The following HPSE2 variants were observed in gnomAD, a reference collection of about 807,000 sequenced individuals.
HPSE2 encodes heparanase 2 (inactive).
HPSE2 carries 38 observed loss-of-function variants against 60.5 expected under a neutral mutation model. The ratio of observed to expected loss-of-function variants is 0.63; its 90% CI spans 0.48 to 0.82. The LOEUF (loss-of-function observed/expected upper bound fraction) is 0.82, where lower values mean the gene tolerates loss of function less well. Ranked by LOEUF, HPSE2 falls within the 40% of genes least tolerant of loss-of-function variation. HPSE2 has a pLI of 0.00. For missense variants in HPSE2, 713 were observed against 740.4 expected (o/e 0.96, Z 0.43); for synonymous variants, 295 against 293.2 (o/e 1.01, Z -0.06).
intron 3 of HPSE2, among the ~76,000 whole-genome samples, chr10:99,131,246 G>A (rs1309188431): frequency 1.3e-5 from 2 of 152,066 alleles, no homozygotes; most frequent in Admixed American, 6.6e-5. Context: ...ACTGAACAGG[G>A]AAAACACAAC....
At chr10:98,691,286 A>G (rs493204) in intron 6 of HPSE2, among the ~76,000 whole-genome samples, 53,728 of 152,084 alleles carry the variant, frequency 0.35, 9,727 homozygotes, top group Admixed American at 0.41. Context: ...CAAAAGAAAT[A>G]CAACCCCCTG....
In HPSE2 at chr10:99,169,504, CAAAAAAAAAAAAAAAAAAAAAAAAA is replaced by C. The variant is rs562946052; in HGVS notation, c.449-25130_449-25106del. On this transcript the variant is annotated intron_variant, in intron 2 of 11. Transcript: ENST00000370552. Reference sequence around the variant, plus strand: ...TGGGTGACAGAGCAAGACTCCGTCTCAAAAAAAAAAAAAAAAAAAAAAAAAAAAAAAAAAAAAAAAAAAAAGTCCT... The same window carrying C: ...TGGGTGACAGAGCAAGACTCCGTCTCAAAAAAAAAAAAAAAAAAAAGTCCT... 4.1e-3 allele frequency among the ~76,000 whole-genome samples: 224 copies of C among 54,728 alleles called. 1 individual carries two copies. Among genetic ancestry groups the C allele is most frequent in the East Asian group, 0.011 (16 of 1,426 alleles). 35.9% of individuals were successfully genotyped at this position (54,728 alleles called of 152,430 possible).
At chr10:98,605,577 G>T (rs1377333726) in intron 9 of HPSE2, among the ~76,000 whole-genome samples, 1 of 150,712 alleles carries the variant, frequency 6.6e-6, no homozygotes, top group Non-Finnish European at 1.5e-5. Context: ...GGGATGGTTG[G>T]GCCAGTGACA....
chr10:99,159,836 T>C (rs1846750675), intron 2 of HPSE2, among the ~76,000 whole-genome samples: 1 of 152,148 alleles, frequency 6.6e-6, no homozygotes, highest in South Asian at 2.1e-4. Context: ...GTAAAAGTGT[T>C]CGCTCTTTAA....
chr10:99,165,439 T>C (rs1472652259), intron 2 of HPSE2, among the ~76,000 whole-genome samples: 1 of 152,162 alleles, frequency 6.6e-6, no homozygotes, highest in Non-Finnish European at 1.5e-5. Context: ...CCCAATATCC[T>C]GGTTGTTTCT....
intron 2 of HPSE2, among the ~76,000 whole-genome samples, chr10:99,150,606 C>T (rs571165230): frequency 3.5e-4 from 53 of 152,338 alleles, no homozygotes; most frequent in African/African-American, 1.2e-3. Context: ...CAGGCATGAG[C>T]CACCAAATCT....
intron 9 of HPSE2, among the ~76,000 whole-genome samples, chr10:98,590,364 C>T (rs879624120): frequency 6.6e-6 from 1 of 152,230 alleles, no homozygotes; most frequent in Non-Finnish European, 1.5e-5. Context: ...ATGGTGTGAA[C>T]CCAGGAGGCG....
At chr10:99,232,851 A>G (rs945219241) in intron 1 of HPSE2, among the ~76,000 whole-genome samples, 6 of 152,258 alleles carry the variant, frequency 3.9e-5, no homozygotes, top group Non-Finnish European at 8.8e-5. Flanking sequence ...GCTAAAGCGC[A>G]GTTGCCCGGC....
intron 3 of HPSE2, among the ~76,000 whole-genome samples, chr10:99,131,887 G>C (rs1040283296): frequency 3.2e-4 from 48 of 151,982 alleles, no homozygotes; most frequent in Admixed American, 3.1e-3. Flanking sequence ...CGAGGCAGGA[G>C]GATCACCTGA....
intron 3 of HPSE2, among the ~76,000 whole-genome samples, chr10:99,073,410 G>A (rs1842860706): frequency 1.3e-5 from 2 of 152,058 alleles, no homozygotes; most frequent in South Asian, 4.1e-4. Context: ...TCACTTACAG[G>A]TGGGAGTTGA....
chr10:98,862,739 C>A (rs761733204), intron 3 of HPSE2, among the ~76,000 whole-genome samples: 4 of 152,038 alleles, frequency 2.6e-5, no homozygotes, highest in Admixed American at 6.6e-5. Flanking sequence ...ACTCTTGGGA[C>A]CAGAGGTGAA....
At chr10:99,132,241 G>GAAAGAAAGAAAGAAAGAA (rs58521993) in intron 3 of HPSE2, among the ~76,000 whole-genome samples, 10 of 28,920 alleles carry the variant, frequency 3.5e-4, no homozygotes, top group Admixed American at 8.6e-4. Flanking sequence ...GAGAGAGAGA[G>GAAAGAAAGAAAGAAAGAA]AGAAAGAAAG....
upstream of HPSE2, among the ~76,000 whole-genome samples, chr10:99,238,089 G>A (rs1004683681): frequency 2.0e-5 from 3 of 152,066 alleles, no homozygotes; most frequent in South Asian, 4.1e-4. Flanking sequence ...AATACTTAAC[G>A]TGTAAAGCCA....
chr10:98,907,152 C>G (rs551847654), intron 3 of HPSE2, among the ~76,000 whole-genome samples: 20 of 152,260 alleles, frequency 1.3e-4, no homozygotes, highest in Middle Eastern at 6.8e-3. Flanking sequence ...TTCATGTATA[C>G]TGTTAGAATC....
At chr10:99,147,245 C>T (rs1846088567) in intron 2 of HPSE2, among the ~76,000 whole-genome samples, 1 of 151,892 alleles carries the variant, frequency 6.6e-6, no homozygotes. Flanking sequence ...AACTCATGAG[C>T]TTAAGAGTAG....
At chr10:98,567,430 T>C (rs544653136) in intron 9 of HPSE2, among the ~76,000 whole-genome samples, 23 of 152,296 alleles carry the variant, frequency 1.5e-4, no homozygotes, top group African/African-American at 5.5e-4. Flanking sequence ...GAAACACTCA[T>C]AAAGCCATGA....
intron 6 of HPSE2, among the ~76,000 whole-genome samples, chr10:98,660,411 G>T (rs539891233): frequency 5.1e-4 from 77 of 152,300 alleles, no homozygotes; most frequent in African/African-American, 1.7e-3. Context: ...AGGTGAAATT[G>T]TGGTCCAAGG....
intron 3 of HPSE2, among the ~76,000 whole-genome samples, chr10:98,998,611 C>T (rs1435131546): frequency 6.6e-6 from 1 of 152,098 alleles, no homozygotes; most frequent in African/African-American, 2.4e-5. Context: ...TCATTTTTTC[C>T]AAACACAGGA....
chr10:99,103,640 G>A (rs1451159101), intron 3 of HPSE2, among the ~76,000 whole-genome samples: 1 of 152,084 alleles, frequency 6.6e-6, no homozygotes, highest in Non-Finnish European at 1.5e-5. Flanking sequence ...CTACTTTAAA[G>A]TTCATATGGA....
Sources: allele counts gnomAD v4.1 joint callset (sites outside exome capture counted in the v4.1 genomes callset), GRCh38; gene constraint gnomAD v4.1.1; transcripts MANE v1.5; gene names NCBI Gene and HGNC (gene_info 2026-07-23, HGNC 2026-07-21).